RALYL: variants seen among roughly 807,000 people sequenced by gnomAD.
RALYL encodes RNA-binding Raly-like protein.
RALYL carries 29 observed loss-of-function variants against 35.1 expected under a neutral mutation model. The ratio of observed to expected loss-of-function variants is 0.83; its 90% CI spans 0.61 to 1.13. RALYL has a LOEUF of 1.13. Among genes scored for constraint, RALYL ranks in the 50% most tolerant of loss-of-function variants. The pLI is 0.00. For synonymous variants in RALYL, 120 were observed against 127.6 expected (o/e 0.94, Z 0.40); for missense variants, 359 against 360.4 (o/e 1.00, Z 0.03).
chr8:84,322,909 A>G (rs1845125358), intron 1 of RALYL, among the ~76,000 whole-genome samples: 1 of 152,118 alleles, frequency 6.6e-6, no homozygotes, highest in Non-Finnish European at 1.5e-5. Flanking sequence ...CATATTATTT[A>G]AAATATGTAT....
intron 3 of RALYL, among the ~76,000 whole-genome samples, chr8:84,791,013 G>A (rs1018964401): frequency 5.9e-5 from 9 of 152,178 alleles, no homozygotes; most frequent in African/African-American, 1.9e-4. Flanking sequence ...TTTGATTTAT[G>A]ACAAAGTAGA....
chr8:84,406,385 C>T (rs1223903962), intron 1 of RALYL, among the ~76,000 whole-genome samples: 1 of 151,830 alleles, frequency 6.6e-6, no homozygotes, highest in Non-Finnish European at 1.5e-5. Flanking sequence ...GGGTTGTACA[C>T]CCACTTTGAA....
At chr8:84,310,046 C>CT (rs111327883) in intron 1 of RALYL, among the ~76,000 whole-genome samples, 101 of 146,022 alleles carry the variant, frequency 6.9e-4, no homozygotes, top group Middle Eastern at 3.6e-3. Flanking sequence ...TTTCTTTTTT[C>CT]TTTTTTTTTT....
intron 2 of RALYL, among the ~76,000 whole-genome samples, chr8:84,578,381 C>T (rs1810001222): frequency 6.6e-6 from 1 of 152,192 alleles, no homozygotes; most frequent in Non-Finnish European, 1.5e-5. Context: ...TAGGTCTGGG[C>T]TCCCAAAGGG....
At chr8:84,743,727 A>C (rs1807920297) in intron 2 of RALYL, among the ~76,000 whole-genome samples, 1 of 152,084 alleles carries the variant, frequency 6.6e-6, no homozygotes, top group Non-Finnish European at 1.5e-5. Context: ...AGTCAACATT[A>C]AAAGGAAATT....
At chr8:84,593,318 T>G (rs1451651801) in intron 2 of RALYL, among the ~76,000 whole-genome samples, 1 of 152,106 alleles carries the variant, frequency 6.6e-6, no homozygotes, top group Non-Finnish European at 1.5e-5. Context: ...TGTGTTCTTC[T>G]TAAGCCTTCT....
chr8:84,848,289 G>A (rs1314032951), intron 4 of RALYL, among the ~76,000 whole-genome samples: 2 of 151,858 alleles, frequency 1.3e-5, no homozygotes, highest in Non-Finnish European at 2.9e-5. Context: ...AAAGTGATAT[G>A]TATGTCAGTA....
At chr8:84,292,749 GA>G (rs1459175942) in intron 1 of RALYL, among the ~76,000 whole-genome samples, 1 of 152,132 alleles carries the variant, frequency 6.6e-6, no homozygotes, top group East Asian at 1.9e-4. Context: ...AAAAAGGGGA[GA>G]CATGAATAAT....
Position 84,729,581 on chromosome 8 carries a change from T to C in RALYL, c.257-44998T>C, listed in dbSNP as rs538347050. 2.4e-4 allele frequency among the ~76,000 whole-genome samples: 36 copies of C among 152,052 alleles called. 2 individuals are homozygous for C. The South Asian group carries it at 5.2e-3, about 22-fold the overall frequency. On this transcript the variant is annotated intron_variant, in intron 2 of 8. Coordinates refer to ENST00000521268, the MANE Select transcript of RALYL (RefSeq NM_173848.7). ...AGACACAAAAAACCCTTCAAAAAAT[T>C]AATGAATCCAGAAGCTGGTTTTTTG... is the stretch of plus-strand genomic sequence containing the variant.
chr8:84,190,978 A>T (rs910079179), intron 1 of RALYL, among the ~76,000 whole-genome samples: 10 of 149,902 alleles, frequency 6.7e-5, no homozygotes, highest in African/African-American at 2.5e-4. Flanking sequence ...GTGTGTGTGT[A>T]TGTAAGTATT....
At chr8:84,364,620 G>C (rs560014599) in intron 1 of RALYL, among the ~76,000 whole-genome samples, 80 of 152,156 alleles carry the variant, frequency 5.3e-4, no homozygotes, top group African/African-American at 1.8e-3. Flanking sequence ...TACTGAAAGA[G>C]AAAATAATAC....
intron 2 of RALYL, among the ~76,000 whole-genome samples, chr8:84,748,025 C>G (rs1399768777): frequency 6.6e-6 from 1 of 151,876 alleles, no homozygotes; most frequent in Admixed American, 6.6e-5. Flanking sequence ...TCACTTGTCT[C>G]CTTTGTCAAG....
intron 1 of RALYL, among the ~76,000 whole-genome samples, chr8:84,228,780 C>G (rs569967904): frequency 6.6e-6 from 1 of 152,222 alleles, no homozygotes; most frequent in African/African-American, 2.4e-5. Context: ...GCAGAAGGCA[C>G]CTATTCACAG....
intron 1 of RALYL, among the ~76,000 whole-genome samples, chr8:84,514,255 G>T (rs1245971166): frequency 6.6e-6 from 1 of 152,088 alleles, no homozygotes. Context: ...GTAATCTGTT[G>T]TCATTGAAGA....
chr8:84,437,940 C>A (rs2047918679), intron 1 of RALYL, among the ~76,000 whole-genome samples: 2 of 152,136 alleles, frequency 1.3e-5, no homozygotes, highest in South Asian at 4.1e-4. Flanking sequence ...AGTTAAACCT[C>A]TTTTCATTAT....
At chr8:84,230,688 A>AT (rs1825127967) in intron 1 of RALYL, among the ~76,000 whole-genome samples, 1 of 152,280 alleles carries the variant, frequency 6.6e-6, no homozygotes, top group East Asian at 1.9e-4. Context: ...TTTACTACTA[A>AT]TGGCTCTCAT....
intron 8 of RALYL, among the ~76,000 whole-genome samples, chr8:84,914,857 C>T (rs1002466784): frequency 2.0e-5 from 3 of 151,982 alleles, no homozygotes; most frequent in African/African-American, 7.2e-5. Flanking sequence ...TCCCTTATCT[C>T]CTACTAATTA....
At chr8:84,292,941 C>T (rs1839039643) in intron 1 of RALYL, among the ~76,000 whole-genome samples, 1 of 152,114 alleles carries the variant, frequency 6.6e-6, no homozygotes, top group African/African-American at 2.4e-5. Flanking sequence ...TTCTTTTGGT[C>T]TCAATCTCCA....
At chr8:84,473,916 T>C (rs1335467243) in intron 1 of RALYL, among the ~76,000 whole-genome samples, 1 of 152,070 alleles carries the variant, frequency 6.6e-6, no homozygotes, top group Non-Finnish European at 1.5e-5. Flanking sequence ...TTCATTAGAA[T>C]AAAATTTTTA....
Sources: gnomAD v4.1 joint callset for allele counts (sites outside exome capture counted in the v4.1 genomes callset) on GRCh38, gnomAD v4.1.1 for gene constraint, MANE v1.5 for transcripts, NCBI Gene and HGNC (gene_info 2026-07-23, HGNC 2026-07-21) for gene names.